Variants in UBE2E2 observed in about 807,000 individuals in gnomAD.
UBE2E2 encodes ubiquitin conjugating enzyme E2 E2, also known as ubiquitin-conjugating enzyme E2 E2.
A neutral mutation model predicts 24.7 loss-of-function variants in UBE2E2; 6 were observed. That is an observed-to-expected ratio of 0.24 (90% CI 0.13 to 0.48). The LOEUF is 0.48. Among genes scored for constraint, UBE2E2 ranks in the 20% least tolerant of loss-of-function variants. UBE2E2 has a pLI of 0.99. For synonymous variants in UBE2E2, 104 were observed against 83.6 expected (o/e 1.24, Z -1.33); for missense variants, 169 against 245.0 (o/e 0.69, Z 2.07).
intron 3 of UBE2E2, among the ~76,000 whole-genome samples, chr3:23,348,347 C>CAAAAAAAAAAAAAAAAAAAAAA (rs35038477): frequency 2.5e-5 from 3 of 121,954 alleles, no homozygotes; most frequent in Admixed American, 8.3e-5. Context: ...GTGCTGCTTT[C>CAAAAAAAAAAAAAAAAAAAAAA]AAAAAAAAAA....
intron 4 of UBE2E2, 76 bp from the exon 5 acceptor site, chr3:23,532,478 A>G (rs969757849): frequency 3.0e-6 from 4 of 1,326,806 alleles, no homozygotes; most frequent in Non-Finnish European, 4.0e-6. Flanking sequence ...AGGCAATTTT[A>G]TTAGACAAAA....
intron 3 of UBE2E2, among the ~76,000 whole-genome samples, chr3:23,440,692 T>C (rs994345777): frequency 1.3e-5 from 2 of 152,168 alleles, no homozygotes; most frequent in African/African-American, 4.8e-5. Context: ...TCTAGTTAAG[T>C]TGATTTGTAT....
At chr3:23,224,159 T>TG (rs1350077735) in intron 3 of UBE2E2, among the ~76,000 whole-genome samples, 3 of 146,134 alleles carry the variant, frequency 2.1e-5, no homozygotes, top group Non-Finnish European at 3.0e-5. Flanking sequence ...ATTTTAGGTT[T>TG]TTTTTTTTTT....
At chr3:23,388,065 T>C (rs934469788) in intron 3 of UBE2E2, among the ~76,000 whole-genome samples, 1 of 152,190 alleles carries the variant, frequency 6.6e-6, no homozygotes. Context: ...CTTATGCTGC[T>C]TTTTCCAAAA....
At chr3:23,320,559 C>G (rs556558787) in intron 3 of UBE2E2, among the ~76,000 whole-genome samples, 53 of 152,214 alleles carry the variant, frequency 3.5e-4, no homozygotes, top group Admixed American at 3.1e-3. Flanking sequence ...TTTGTCTGTT[C>G]TGGGCATTTC....
intron 3 of UBE2E2, among the ~76,000 whole-genome samples, chr3:23,485,431 C>A (rs192237919): frequency 3.2e-4 from 49 of 152,190 alleles, no homozygotes; most frequent in Non-Finnish European, 5.1e-4. Flanking sequence ...CAATCAATAT[C>A]TTTTATTGTT....
intron 3 of UBE2E2, among the ~76,000 whole-genome samples, chr3:23,381,616 C>T (rs113956744): frequency 1.7e-3 from 263 of 152,228 alleles, no homozygotes; most frequent in Admixed American, 3.3e-3. Context: ...CATCACTTAT[C>T]CCCCTGAATT....
intron 3 of UBE2E2, among the ~76,000 whole-genome samples, chr3:23,327,470 CT>C (rs1411404473): frequency 1.3e-5 from 2 of 152,194 alleles, no homozygotes; most frequent in East Asian, 3.9e-4. Context: ...TATACCACCC[CT>C]TTCCTCTCAC....
chr3:23,487,243 T>C (rs1296079617), intron 3 of UBE2E2, among the ~76,000 whole-genome samples: 1 of 152,108 alleles, frequency 6.6e-6, no homozygotes, highest in Non-Finnish European at 1.5e-5. Flanking sequence ...GAGCAGGTGC[T>C]GGGATTGGGA....
intron 3 of UBE2E2, among the ~76,000 whole-genome samples, chr3:23,381,991 T>A (rs554575162): frequency 6.6e-6 from 1 of 152,284 alleles, no homozygotes; most frequent in South Asian, 2.1e-4. Flanking sequence ...TTCTTCTCCA[T>A]TCCCCCGCTA....
intron 2 of UBE2E2, among the ~76,000 whole-genome samples, chr3:23,216,871 A>C (rs1346431289): frequency 1.3e-5 from 2 of 152,152 alleles, no homozygotes; most frequent in East Asian, 3.8e-4. Context: ...ATTTGATTCT[A>C]TCAGTCATGA....
chr3:23,391,645 C>G (rs1696937298), intron 3 of UBE2E2, among the ~76,000 whole-genome samples: 1 of 151,978 alleles, frequency 6.6e-6, no homozygotes, highest in African/African-American at 2.4e-5. Flanking sequence ...CTTTTGTTTC[C>G]TAAGCTTATA....
At chr3:23,453,790 A>C (rs1055773984) in intron 3 of UBE2E2, among the ~76,000 whole-genome samples, 20 of 152,194 alleles carry the variant, frequency 1.3e-4, no homozygotes, top group African/African-American at 4.8e-4. Context: ...TTTCCTTTCA[A>C]AATGTATTTG....
intron 3 of UBE2E2, among the ~76,000 whole-genome samples, chr3:23,430,308 C>G (rs1698029243): frequency 6.6e-6 from 1 of 152,148 alleles, no homozygotes; most frequent in South Asian, 2.1e-4. Context: ...TATACCTTAT[C>G]TCCCATCTTC....
chr3:23,499,665 A>G lies in UBE2E2; in HGVS notation c.285A>G (p.Pro95=). The G allele has an allele frequency of 2.5e-6, 4 of 1,614,006 alleles. No individual in the cohort carries two copies. Among genetic ancestry groups the G allele is most frequent in the Non-Finnish European group, 3.4e-6 (4 of 1,179,916 alleles). The change falls in exon 4 of 6, where the codon CCA becomes CCG. Residue 95 remains proline (P), a synonymous_variant. Transcript: ENST00000396703. ...YEWRSTILGP[P]GSVYEGGVFF... Reference sequence around the variant, plus strand: ...GGAGGTCAACTATATTGGGACCCCCAGGATCTGTCTATGAAGGAGGGGTGT... The same window carrying G: ...GGAGGTCAACTATATTGGGACCCCCGGGATCTGTCTATGAAGGAGGGGTGT...
At chr3:23,409,669 G>C (rs540630049) in intron 3 of UBE2E2, among the ~76,000 whole-genome samples, 1 of 152,214 alleles carries the variant, frequency 6.6e-6, no homozygotes, top group South Asian at 2.1e-4. Flanking sequence ...ACACAAAATA[G>C]GTGGCTTAAA....
intron 3 of UBE2E2, among the ~76,000 whole-genome samples, chr3:23,262,707 T>C (rs560370595): frequency 2.0e-5 from 3 of 152,292 alleles, no homozygotes; most frequent in African/African-American, 7.2e-5. Context: ...TTCCATTCCA[T>C]AGATTGTCTT....
chr3:23,336,373 C>G (rs1350382422), intron 3 of UBE2E2, among the ~76,000 whole-genome samples: 3 of 152,196 alleles, frequency 2.0e-5, no homozygotes, highest in African/African-American at 7.2e-5. Flanking sequence ...AAGTCGTAAT[C>G]TTTCCCATAT....
chr3:23,246,712 T>A (rs1400042966), intron 3 of UBE2E2, among the ~76,000 whole-genome samples: 1 of 151,842 alleles, frequency 6.6e-6, no homozygotes, highest in African/African-American at 2.4e-5. Context: ...AGTACCTGGT[T>A]ATTATCGGTT....
Sources: gnomAD v4.1 joint callset for allele counts (sites outside exome capture counted in the v4.1 genomes callset) on GRCh38, gnomAD v4.1.1 for gene constraint, MANE v1.5 for transcripts, NCBI Gene and HGNC (gene_info 2026-07-23, HGNC 2026-07-21) for gene names.